The following LYPD6 variants were observed in gnomAD, a reference collection of about 807,000 sequenced individuals.
The protein encoded by LYPD6 is ly6/PLAUR domain-containing protein 6.
In LYPD6, 15 loss-of-function variants were observed where a neutral mutation model predicts 22.7. The ratio of observed to expected loss-of-function variants is 0.66; its 90% CI spans 0.44 to 1.02. LYPD6 has a LOEUF of 1.02. LYPD6 is among the 50% of genes least tolerant of loss of function. The pLI, the probability that LYPD6 is intolerant of heterozygous loss-of-function variation, is 0.00. For missense variants in LYPD6, 189 were observed against 208.4 expected (o/e 0.91, Z 0.57); for synonymous variants, 72 against 77.5 (o/e 0.93, Z 0.37).
intron 1 of LYPD6, among the ~76,000 whole-genome samples, chr2:149,374,491 A>G (rs1681874181): frequency 6.6e-6 from 1 of 152,170 alleles, no homozygotes; most frequent in Admixed American, 6.5e-5. Flanking sequence ...TATTATCTAG[A>G]TAGAGCCCAG....
intron 1 of LYPD6, among the ~76,000 whole-genome samples, chr2:149,332,916 CAT>C (rs1463243101): frequency 1.3e-5 from 2 of 152,260 alleles, no homozygotes; most frequent in East Asian, 3.9e-4. Context: ...GTTAAAGGTA[CAT>C]ATAATCAAAC....
intron 1 of LYPD6, among the ~76,000 whole-genome samples, chr2:149,331,694 G>A (rs1680942403): frequency 6.6e-6 from 1 of 152,182 alleles, no homozygotes; most frequent in Admixed American, 6.5e-5. Context: ...TGGAAGAACA[G>A]CATTGACCTC....
intron 1 of LYPD6, among the ~76,000 whole-genome samples, chr2:149,342,329 T>A (rs1436696993): frequency 1.3e-5 from 2 of 152,184 alleles, no homozygotes; most frequent in African/African-American, 4.8e-5. Flanking sequence ...AGTGGGTAAT[T>A]TCTATTTTTA....
chr2:149,474,619 A>G (rs1394526419), downstream of LYPD6, among the ~76,000 whole-genome samples: 3 of 152,172 alleles, frequency 2.0e-5, no homozygotes, highest in East Asian at 5.8e-4. Context: ...GATGCTCCTT[A>G]AAGTGTGGTA....
chr2:149,384,205 C>T (rs1027598315), intron 1 of LYPD6, among the ~76,000 whole-genome samples: 6 of 152,128 alleles, frequency 3.9e-5, no homozygotes, highest in Non-Finnish European at 8.8e-5. Context: ...ATAAGATGTT[C>T]ATATTTTATT....
At position 149,474,104 on chromosome 2, in the gene LYPD6, A is replaced by AT. The variant is rs1227276535; in HGVS notation, c.*3259dup. On this transcript the variant is annotated 3_prime_UTR_variant, in exon 5 of 5. Coordinates refer to ENST00000334166, the MANE Select transcript of LYPD6 (RefSeq NM_194317.5). ...TTTATCTATACAATGAATTTATTAT[A>AT]TTTTTCTTAGTAAAGTGATAGACAT... 1 of 152,008 alleles carries AT rather than the reference A, an allele frequency of 6.6e-6. No homozygotes were observed. The highest frequency in any genetic ancestry group is 1.5e-5 in the Non-Finnish European group (1 of 68,032). The allele number at this position is 152,008 out of a possible 1,614,324, so 9.4% of individuals were successfully genotyped here.
the LYPD6 span, among the ~76,000 whole-genome samples, chr2:149,486,101 A>G: frequency 1.3e-5 from 2 of 152,362 alleles, no homozygotes; most frequent in Admixed American, 1.3e-4. Flanking sequence ...TTACACTTGA[A>G]TATTGTCTCT....
intron 1 of LYPD6, among the ~76,000 whole-genome samples, chr2:149,381,278 A>G (rs35009898): frequency 0.094 from 14,277 of 152,286 alleles, 867 homozygotes; most frequent in Non-Finnish European, 0.13. Context: ...GGGTGAAACA[A>G]CAGTATGAAG....
chr2:149,478,328 A>C (rs1681473412), downstream of LYPD6, among the ~76,000 whole-genome samples: 1 of 152,070 alleles, frequency 6.6e-6, no homozygotes, highest in African/African-American at 2.4e-5. Flanking sequence ...GCAGACAAAT[A>C]CTGCCCCAAA....
chr2:149,420,686 G>A (rs1472457817), intron 1 of LYPD6, among the ~76,000 whole-genome samples: 2 of 152,086 alleles, frequency 1.3e-5, no homozygotes, highest in Admixed American at 6.6e-5. Flanking sequence ...AGTTTCATAG[G>A]TCAGGGCCTG....
chr2:149,421,099 C>A (rs1345168114), intron 1 of LYPD6, among the ~76,000 whole-genome samples: 1 of 152,066 alleles, frequency 6.6e-6, no homozygotes, highest in African/African-American at 2.4e-5. Flanking sequence ...TACCCTCTTT[C>A]TTTAATCCCA....
chr2:149,362,752 G>C (rs77450685), intron 1 of LYPD6, among the ~76,000 whole-genome samples: 3 of 152,012 alleles, frequency 2.0e-5, no homozygotes, highest in African/African-American at 7.2e-5. Flanking sequence ...TCTTAGGAAC[G>C]TACTCTTATG....
chr2:149,330,183 AG>A (rs1680900940), upstream of LYPD6: 2 of 152,064 alleles, frequency 1.3e-5, no homozygotes, highest in Non-Finnish European at 1.5e-5. Flanking sequence ...GAGAGGCGCC[AG>A]GGGGTCGCGC....
At chr2:149,400,640 T>C (rs1682534611) in intron 1 of LYPD6, among the ~76,000 whole-genome samples, 1 of 152,094 alleles carries the variant, frequency 6.6e-6, no homozygotes, top group Non-Finnish European at 1.5e-5. Flanking sequence ...ACAATTTTAA[T>C]AACGTTTGCT....
At chr2:149,466,243 C>G (rs1226545200) in intron 3 of LYPD6, among the ~76,000 whole-genome samples, 1 of 152,140 alleles carries the variant, frequency 6.6e-6, no homozygotes, top group East Asian at 1.9e-4. Flanking sequence ...CTGAAGAAAC[C>G]TGTTCGAGTT....
chr2:149,479,644 T>A, the LYPD6 span, among the ~76,000 whole-genome samples: 1 of 152,166 alleles, frequency 6.6e-6, no homozygotes. Context: ...AGGTCTAATC[T>A]ACCGTCAAAT....
chr2:149,412,758 A>T (rs973757917), intron 1 of LYPD6, among the ~76,000 whole-genome samples: 2 of 152,218 alleles, frequency 1.3e-5, no homozygotes, highest in African/African-American at 4.8e-5. Context: ...AAGCAAAAAA[A>T]GTATATGTAA....
chr2:149,406,387 T>G (rs62190587), intron 1 of LYPD6, among the ~76,000 whole-genome samples: 2 of 149,850 alleles, frequency 1.3e-5, no homozygotes, highest in Non-Finnish European at 3.0e-5. Context: ...TGTAGGTCAC[T>G]CAGGACTTGC....
chr2:149,339,615 A>T (rs1349880536), intron 1 of LYPD6, among the ~76,000 whole-genome samples: 2 of 152,212 alleles, frequency 1.3e-5, no homozygotes, highest in African/African-American at 4.8e-5. Context: ...AGTTACAAGT[A>T]GAGTGAATTT....
Sources: gnomAD v4.1 joint callset for allele counts (sites outside exome capture counted in the v4.1 genomes callset) on GRCh38, gnomAD v4.1.1 for gene constraint, MANE v1.5 for transcripts, NCBI Gene and HGNC (gene_info 2026-07-23, HGNC 2026-07-21) for gene names.